Variants in MCTP2 observed in about 807,000 individuals in gnomAD.
The protein encoded by MCTP2 is multiple C2 and transmembrane domain-containing protein 2.
MCTP2 carries 132 observed loss-of-function variants against 111.6 expected under a neutral mutation model. That is an observed-to-expected ratio of 1.18 (90% CI 1.03 to 1.37). The LOEUF is 1.37. MCTP2 is among the 40% of genes most tolerant of loss of function. MCTP2 has a pLI of 0.00. For synonymous variants in MCTP2, 395 were observed against 387.7 expected, an observed-to-expected ratio of 1.02 and a Z score of -0.22; for missense variants, 1,183 against 1,067.9, an observed-to-expected ratio of 1.11 and a Z score of -1.50.
chr15:94,357,491 T>C (rs2078689507), intron 9 of MCTP2, among the ~76,000 whole-genome samples: 1 of 152,120 alleles, frequency 6.6e-6, no homozygotes, highest in African/African-American at 2.4e-5. Context: ...CAGTATCTGC[T>C]ACATTCACCC....
intron 8 of MCTP2, among the ~76,000 whole-genome samples, chr15:94,354,156 A>G (rs2078473576): frequency 6.6e-6 from 1 of 152,164 alleles, no homozygotes; most frequent in African/African-American, 2.4e-5. Flanking sequence ...TATGTTCACC[A>G]GAGAAGAGGA....
At chr15:94,322,496 T>C (rs1299390731) in intron 4 of MCTP2, among the ~76,000 whole-genome samples, 2 of 152,226 alleles carry the variant, frequency 1.3e-5, no homozygotes, top group Non-Finnish European at 2.9e-5. Flanking sequence ...AAAGCAGCCA[T>C]AGACAATAAA....
At chr15:94,309,664 T>G in intron 2 of MCTP2, among the ~76,000 whole-genome samples, 1 of 152,230 alleles carries the variant, frequency 6.6e-6, no homozygotes, top group East Asian at 1.9e-4. Context: ...GAGAAGATTT[T>G]CTTTTTAAAA....
chr15:94,310,684 CTA>C (rs2076084106), intron 2 of MCTP2, among the ~76,000 whole-genome samples: 1 of 150,794 alleles, frequency 6.6e-6, no homozygotes, highest in African/African-American at 2.4e-5. Context: ...ATAAATAAAA[CTA>C]TTTTATTATA....
At position 94,257,323 on chromosome 15, in the gene MCTP2, T is replaced by G. The variant is rs77664112; in HGVS notation, c.-66+25659T>G. Among the ~76,000 whole-genome samples, 31 of 152,174 alleles carry G rather than the reference T, an allele frequency of 2.0e-4. No homozygotes were observed. In the East Asian group the frequency reaches 5.6e-3, roughly 28 times the overall value. On this transcript the variant is annotated intron_variant, in intron 1 of 22. Transcript: ENST00000357742. ...CAGGACCCTTGTCTGATTTGACCACTGAGTTGATGAATTTGTAAGAAGCCA... is the reference window on the plus strand; with the variant it reads ...CAGGACCCTTGTCTGATTTGACCACGGAGTTGATGAATTTGTAAGAAGCCA...
intron 1 of MCTP2, among the ~76,000 whole-genome samples, chr15:94,288,146 T>A (rs151204363): frequency 1.3e-5 from 2 of 152,334 alleles, no homozygotes; most frequent in East Asian, 1.9e-4. Flanking sequence ...TTGGGTTTTT[T>A]AATTTGTTTT....
chr15:94,419,241 C>T (rs1241284044), intron 17 of MCTP2, among the ~76,000 whole-genome samples: 1 of 152,076 alleles, frequency 6.6e-6, no homozygotes, highest in Non-Finnish European at 1.5e-5. Context: ...TCTGATATTC[C>T]CCTAATTAAC....
intron 4 of MCTP2, among the ~76,000 whole-genome samples, chr15:94,336,636 A>G (rs1406505920): frequency 1.3e-5 from 2 of 151,748 alleles, no homozygotes; most frequent in Non-Finnish European, 2.9e-5. Flanking sequence ...TGGGTGCAAC[A>G]TTTTTAGAGG....
At chr15:94,454,614 C>A (rs1596771337) in intron 19 of MCTP2, among the ~76,000 whole-genome samples, 1 of 150,548 alleles carries the variant, frequency 6.6e-6, no homozygotes, top group East Asian at 1.9e-4. Context: ...AAAAAAAAAA[C>A]CCTAAATTAT....
intron 17 of MCTP2, among the ~76,000 whole-genome samples, chr15:94,418,844 T>A (rs1171282362): frequency 6.6e-6 from 1 of 152,024 alleles, no homozygotes; most frequent in Non-Finnish European, 1.5e-5. Context: ...AGCCTTCTTT[T>A]CCCCCTGTTT....
rs1233221910 is a variant in MCTP2 at position 94,243,539 on chromosome 15, G to A, written c.-66+11875G>A. ...TGCGTATGTACACACATACGTATGC[G>A]TGCATACGTATGCGTATATGCGTAT... On this transcript the variant is annotated intron_variant, in intron 1 of 22. Transcript: ENST00000357742. Among the ~76,000 whole-genome samples, 6 of 129,940 alleles carry A rather than the reference G, an allele frequency of 4.6e-5. 1 individual carries two copies. Among genetic ancestry groups the A allele is most frequent in the African/African-American group, 1.6e-4 (6 of 36,568 alleles). 85.2% of individuals were successfully genotyped at this position (129,940 alleles called of 152,430 possible). A position where few individuals can be genotyped will look rare whatever the true frequency, so the allele number is the denominator to read the frequency against.
intron 20 of MCTP2, among the ~76,000 whole-genome samples, chr15:94,469,160 TA>T: frequency 6.6e-6 from 1 of 152,142 alleles, no homozygotes; most frequent in East Asian, 2.0e-4. Flanking sequence ...CCGTCTCCCA[TA>T]AAAAACATTC....
chr15:94,329,425 G>A (rs2077036299), intron 4 of MCTP2, among the ~76,000 whole-genome samples: 1 of 152,172 alleles, frequency 6.6e-6, no homozygotes, highest in African/African-American at 2.4e-5. Context: ...TTGACGCATG[G>A]TTCCACAGGC....
At position 94,239,020 on chromosome 15, in the gene MCTP2, AAAAG is replaced by A. The variant is rs986573669; in HGVS notation, c.-66+7360_-66+7363del. On this transcript the variant is annotated intron_variant, in intron 1 of 22. Coordinates refer to ENST00000357742, the MANE Select transcript of MCTP2 (RefSeq NM_001385001.1). ...TGGAGTTGACCGTGAAAAAAAAAAA[AAAAG>A]AAAAGAAAAACTAAAAACAAAAACA... is the stretch of plus-strand genomic sequence containing the variant. 4.6e-5 allele frequency among the ~76,000 whole-genome samples: 7 copies of A among 151,810 alleles called. No individual in the cohort carries two copies. In the South Asian group the frequency reaches 6.2e-4, roughly 13 times the overall value.
chr15:94,414,945 G>A (rs2082308306), intron 17 of MCTP2, among the ~76,000 whole-genome samples: 1 of 152,174 alleles, frequency 6.6e-6, no homozygotes, highest in Non-Finnish European at 1.5e-5. Context: ...TACAGGAAGT[G>A]CTGCAGAGAA....
At chr15:94,245,499 T>C (rs1001569710) in intron 1 of MCTP2, among the ~76,000 whole-genome samples, 23 of 141,676 alleles carry the variant, frequency 1.6e-4, no homozygotes, top group African/African-American at 5.6e-4. Flanking sequence ...TGTATGTATT[T>C]ATATATGTAT....
intron 17 of MCTP2, among the ~76,000 whole-genome samples, chr15:94,418,576 G>C (rs2082480138): frequency 6.6e-6 from 1 of 152,060 alleles, no homozygotes; most frequent in Non-Finnish European, 1.5e-5. Flanking sequence ...CAGCACATTA[G>C]ATGCTTTTTC....
At chr15:94,437,322 G>A (rs1392596697) in intron 17 of MCTP2, among the ~76,000 whole-genome samples, 1 of 151,924 alleles carries the variant, frequency 6.6e-6, no homozygotes, top group Non-Finnish European at 1.5e-5. Context: ...AGAGGTGAAT[G>A]TGAATATATA....
chr15:94,469,527 T>C (rs1348668346), intron 20 of MCTP2, among the ~76,000 whole-genome samples: 1 of 152,172 alleles, frequency 6.6e-6, no homozygotes, highest in East Asian at 1.9e-4. Context: ...GTCTGGAAAT[T>C]CTAAATATAA....
Sources: gnomAD v4.1 joint callset for allele counts (sites outside exome capture counted in the v4.1 genomes callset) on GRCh38, gnomAD v4.1.1 for gene constraint, MANE v1.5 for transcripts, NCBI Gene and HGNC (gene_info 2026-07-23, HGNC 2026-07-21) for gene names.